CDH6: variants seen among roughly 807,000 people sequenced by gnomAD.
CDH6 encodes cadherin 6, also known as cadherin-6.
CDH6 carries 31 observed loss-of-function variants against 78.0 expected under a neutral mutation model. The observed-to-expected ratio is 0.40, with a 90% CI of 0.30 to 0.54. The LOEUF is 0.54. Ranked by LOEUF, CDH6 falls within the 20% of genes least tolerant of loss-of-function variation. The pLI, the probability that CDH6 is intolerant of heterozygous loss-of-function variation, is 0.56. For missense variants in CDH6, 724 were observed against 975.9 expected (o/e 0.74, Z 3.44); for synonymous variants, 376 against 368.8 (o/e 1.02, Z -0.23).
chr5:31,263,313 C>T (rs1211198214), intron 1 of CDH6, among the ~76,000 whole-genome samples: 3 of 149,058 alleles, frequency 2.0e-5, no homozygotes, highest in Non-Finnish European at 3.0e-5. Flanking sequence ...GGCTGGAGTG[C>T]AATAGCATGA....
intron 11 of CDH6, among the ~76,000 whole-genome samples, chr5:31,319,400 A>T (rs977874150): frequency 1.3e-5 from 2 of 152,242 alleles, no homozygotes; most frequent in African/African-American, 4.8e-5. Flanking sequence ...TGTTAGGTAT[A>T]CACCATAGGT....
intron 1 of CDH6, among the ~76,000 whole-genome samples, chr5:31,232,677 CAA>C (rs1471496879): frequency 2.6e-5 from 4 of 152,186 alleles, no homozygotes; most frequent in African/African-American, 9.6e-5. Flanking sequence ...GAAAACATAT[CAA>C]GTCAGGCTTT....
intron 1 of CDH6, among the ~76,000 whole-genome samples, chr5:31,209,527 T>C (rs1740633189): frequency 6.6e-6 from 1 of 152,076 alleles, no homozygotes; most frequent in Admixed American, 6.6e-5. Flanking sequence ...GTAACCCTAT[T>C]AACGGGAAAG....
In CDH6 at chr5:31,326,680, A is replaced by AT. The variant is rs750696655; in HGVS notation, c.*3372_*3373insT. 0.048 allele frequency: 6,197 copies of AT among 130,226 alleles called. 746 individuals are homozygous for AT. The highest frequency in any genetic ancestry group is 0.089 in the South Asian group (302 of 3,402). 8.1% of individuals were successfully genotyped at this position (130,226 alleles called of 1,614,324 possible). A position where few individuals can be genotyped will look rare whatever the true frequency, so the allele number is the denominator to read the frequency against. ...CAAAGAGTTGTGCAGAAAATCTTAA[A>AT]ATTTTTTTTTTTTTTTTTTTTTTTT... On this transcript the variant is annotated 3_prime_UTR_variant, in exon 12 of 12. Transcript: ENST00000265071.
At chr5:31,317,037 A>G (rs900478072) in intron 9 of CDH6, among the ~76,000 whole-genome samples, 1 of 152,174 alleles carries the variant, frequency 6.6e-6, no homozygotes, top group African/African-American at 2.4e-5. Context: ...ATGTTTCTCA[A>G]TCAGGGTGAT....
chr5:31,245,040 TG>T (rs1178231634), intron 1 of CDH6, among the ~76,000 whole-genome samples: 1 of 152,164 alleles, frequency 6.6e-6, no homozygotes, highest in East Asian at 1.9e-4. Flanking sequence ...AAGTCATAAA[TG>T]GGGATCTGTG....
chr5:31,199,828 C>G (rs1283181537), intron 1 of CDH6, among the ~76,000 whole-genome samples: 1 of 151,440 alleles, frequency 6.6e-6, no homozygotes, highest in East Asian at 1.9e-4. Context: ...ATGTCACACC[C>G]TCTTCTAAGT....
intron 1 of CDH6, among the ~76,000 whole-genome samples, chr5:31,227,326 G>A (rs1282410041): frequency 3.9e-5 from 6 of 151,948 alleles, no homozygotes; most frequent in Non-Finnish European, 8.8e-5. Flanking sequence ...TGGGCTTTGG[G>A]ATACTTTACA....
intron 1 of CDH6, among the ~76,000 whole-genome samples, chr5:31,246,156 C>A (rs1446910605): frequency 6.6e-6 from 1 of 151,980 alleles, no homozygotes; most frequent in African/African-American, 2.4e-5. Flanking sequence ...ATGATCCACC[C>A]ACTTTGGCCT....
chr5:31,257,225 C>G (rs1237647973), intron 1 of CDH6, among the ~76,000 whole-genome samples: 1 of 152,152 alleles, frequency 6.6e-6, no homozygotes, highest in Non-Finnish European at 1.5e-5. Context: ...TGCAGTGGCG[C>G]GATCTCGGCT....
intron 1 of CDH6, among the ~76,000 whole-genome samples, chr5:31,245,276 A>G (rs1471794412): frequency 2.0e-5 from 3 of 152,220 alleles, no homozygotes; most frequent in Non-Finnish European, 4.4e-5. Context: ...ACTTCCATCA[A>G]AGGAAATTTC....
intron 6 of CDH6, among the ~76,000 whole-genome samples, chr5:31,302,923 GA>G (rs1485375901): frequency 8.2e-6 from 1 of 122,298 alleles, no homozygotes; most frequent in Non-Finnish European, 1.8e-5. Flanking sequence ...AAGAAAGAAA[GA>G]AAGAAAGAAA....
chr5:31,281,944 G>T (rs941350640), intron 2 of CDH6, among the ~76,000 whole-genome samples: 3 of 152,030 alleles, frequency 2.0e-5, no homozygotes, highest in Non-Finnish European at 4.4e-5. Context: ...GAAAATAAAA[G>T]TTACCCCCTG....
intron 2 of CDH6, among the ~76,000 whole-genome samples, chr5:31,280,862 G>T (rs542630300): frequency 5.9e-5 from 9 of 151,498 alleles, no homozygotes; most frequent in African/African-American, 2.2e-4. Context: ...TTCAAAATGA[G>T]GAGGATGAGG....
Position 31,313,314 on chromosome 5 carries a change from T to G in CDH6, c.1254-4T>G. The G allele has an allele frequency of 1.2e-6, 2 of 1,609,790 alleles. No homozygotes were observed. The highest frequency in any genetic ancestry group is 2.2e-5 in the South Asian group (2 of 90,752). ...CCTTTCTTAATTCCACTCTGCATTT[T>G]CAGGTACTCTGTAGATCGACACACA... On this transcript the variant is annotated splice_polypyrimidine_tract_variant and splice_region_variant and intron_variant, in intron 7 of 11. Transcript: ENST00000265071.
chr5:31,199,429 CATATGTGTATATAT>C (rs1561193291), intron 1 of CDH6, among the ~76,000 whole-genome samples: 1 of 45,376 alleles, frequency 2.2e-5, no homozygotes, highest in Non-Finnish European at 4.5e-5. Context: ...TATGTACACA[CATATGTGTATATAT>C]ACACACACAT....
intron 2 of CDH6, among the ~76,000 whole-genome samples, chr5:31,288,888 C>T (rs759196201): frequency 6.6e-6 from 1 of 152,200 alleles, no homozygotes; most frequent in Non-Finnish European, 1.5e-5. Flanking sequence ...TCTAAGCCCA[C>T]GTAAGGCTGC....
chr5:31,202,510 A>G (rs1387072758), intron 1 of CDH6, among the ~76,000 whole-genome samples: 1 of 151,912 alleles, frequency 6.6e-6, no homozygotes, highest in Non-Finnish European at 1.5e-5. Flanking sequence ...GGTGGCAGGC[A>G]CCTATAATCC....
At chr5:31,211,659 G>T (rs944670105) in intron 1 of CDH6, among the ~76,000 whole-genome samples, 1 of 152,038 alleles carries the variant, frequency 6.6e-6, no homozygotes, top group Admixed American at 6.6e-5. Flanking sequence ...GAGGTTCTGG[G>T]GTTGTTTTTT....
Sources: allele counts gnomAD v4.1 joint callset (sites outside exome capture counted in the v4.1 genomes callset), GRCh38; gene constraint gnomAD v4.1.1; transcripts MANE v1.5; gene names NCBI Gene and HGNC (gene_info 2026-07-23, HGNC 2026-07-21).